RPS6KC1: variants seen among roughly 807,000 people sequenced by gnomAD.
RPS6KC1 encodes the protein inactive ribosomal protein S6 kinase delta-1.
RPS6KC1 carries 54 observed loss-of-function variants against 103.8 expected under a neutral mutation model. That is an observed-to-expected ratio of 0.52 (90% CI 0.42 to 0.65). The LOEUF is 0.65. Among genes scored for constraint, RPS6KC1 ranks in the 30% least tolerant of loss-of-function variants. The pLI is 0.00. For missense variants in RPS6KC1, 1,151 were observed against 1,253.8 expected (o/e 0.92, Z 1.24); for synonymous variants, 439 against 438.7 (o/e 1.00, Z -0.01).
At chr1:213,115,569 T>C (rs1447334974) in intron 4 of RPS6KC1, among the ~76,000 whole-genome samples, 1 of 152,174 alleles carries the variant, frequency 6.6e-6, no homozygotes, top group Non-Finnish European at 1.5e-5. Context: ...TCTGCTCTGA[T>C]TTTAGTTATT....
chr1:213,145,122 T>C (rs929330837), intron 6 of RPS6KC1, among the ~76,000 whole-genome samples: 43 of 152,140 alleles, frequency 2.8e-4, no homozygotes, highest in African/African-American at 8.9e-4. Flanking sequence ...CAGTCTTTCC[T>C]GAAGCAACTA....
chr1:213,517,214 G>A, the RPS6KC1 span, among the ~76,000 whole-genome samples: 396 of 151,752 alleles, frequency 2.6e-3, 2 homozygotes, highest in African/African-American at 5.3e-3. Flanking sequence ...AGCATTTTTT[G>A]TGTCTCTATT....
chr1:213,399,725 T>C, the RPS6KC1 span, among the ~76,000 whole-genome samples: 207 of 152,232 alleles, frequency 1.4e-3, 3 homozygotes, highest in East Asian at 0.036. Flanking sequence ...TGGTGCCCAC[T>C]GCTGTAGAAG....
chr1:213,673,671 G>C, the RPS6KC1 span, among the ~76,000 whole-genome samples: 22 of 152,258 alleles, frequency 1.4e-4, no homozygotes, highest in African/African-American at 5.3e-4. Flanking sequence ...GAAATTTTCT[G>C]CCTGTATTAT....
chr1:213,793,524 C>T, the RPS6KC1 span, among the ~76,000 whole-genome samples: 3 of 152,104 alleles, frequency 2.0e-5, no homozygotes, highest in Non-Finnish European at 4.4e-5. Flanking sequence ...TTTCCTTACA[C>T]CTTGGGGCGT....
intron 2 of RPS6KC1, among the ~76,000 whole-genome samples, chr1:213,071,609 TG>T (rs2078891275): frequency 6.6e-6 from 1 of 152,216 alleles, no homozygotes; most frequent in African/African-American, 2.4e-5. Context: ...TGGTAACTAG[TG>T]TTTACAAGAT....
chr1:213,519,940 G>A, the RPS6KC1 span, among the ~76,000 whole-genome samples: 1 of 152,176 alleles, frequency 6.6e-6, no homozygotes, highest in Non-Finnish European at 1.5e-5. Flanking sequence ...CACTGCAGAT[G>A]AGAATACTGA....
intron 3 of RPS6KC1, among the ~76,000 whole-genome samples, chr1:213,079,809 T>C (rs2079692386): frequency 6.6e-6 from 1 of 152,070 alleles, no homozygotes; most frequent in Admixed American, 6.6e-5. Context: ...AGTTTCCTGC[T>C]CCTTCCCTCC....
the RPS6KC1 span, among the ~76,000 whole-genome samples, chr1:213,364,481 G>T: frequency 6.6e-6 from 1 of 152,280 alleles, no homozygotes; most frequent in East Asian, 1.9e-4. Context: ...GGTTGTTGTT[G>T]GTGGGTTCAC....
At chr1:213,148,032 T>C (rs1241133382) in intron 6 of RPS6KC1, among the ~76,000 whole-genome samples, 1 of 152,256 alleles carries the variant, frequency 6.6e-6, no homozygotes, top group African/African-American at 2.4e-5. Flanking sequence ...CTACTGATTT[T>C]TGTACATTGA....
At chr1:213,447,266 C>T in the RPS6KC1 span, among the ~76,000 whole-genome samples, 2 of 151,886 alleles carry the variant, frequency 1.3e-5, no homozygotes, top group African/African-American at 2.4e-5. Flanking sequence ...GGGGATTTTT[C>T]CTTGTTACTC....
chr1:213,653,654 A>G, the RPS6KC1 span, among the ~76,000 whole-genome samples: 1 of 152,194 alleles, frequency 6.6e-6, no homozygotes, highest in Non-Finnish European at 1.5e-5. Flanking sequence ...TTAATTGATC[A>G]TATCTATCTC....
At chr1:213,287,981 T>G in the RPS6KC1 span, among the ~76,000 whole-genome samples, 1 of 142,730 alleles carries the variant, frequency 7.0e-6, no homozygotes, top group South Asian at 2.3e-4. Context: ...TAATAGTAAC[T>G]GCTAAATGAA....
the RPS6KC1 span, among the ~76,000 whole-genome samples, chr1:213,662,428 ATTTTTTT>A: frequency 4.1e-5 from 5 of 120,958 alleles, no homozygotes; most frequent in Admixed American, 8.8e-5. Flanking sequence ...CACCTGGCTA[ATTTTTTT>A]TTTTTTTTTT....
At chr1:213,473,054 C>T in the RPS6KC1 span, among the ~76,000 whole-genome samples, 6 of 152,278 alleles carry the variant, frequency 3.9e-5, no homozygotes, top group Admixed American at 2.0e-4. Flanking sequence ...TGGCATCTGC[C>T]GTTTTAAATG....
the RPS6KC1 span, among the ~76,000 whole-genome samples, chr1:213,804,898 C>G: frequency 1.3e-5 from 2 of 152,106 alleles, no homozygotes; most frequent in Admixed American, 1.3e-4. Flanking sequence ...GCAGGCATAC[C>G]TTGGAGATAG....
chr1:213,051,507 C>T lies in RPS6KC1; in HGVS notation c.103C>T (p.Arg35Trp). ...RGYTVYKVTA[R>W]VVSRRNPEDV... The stretch of plus-strand genomic sequence containing the variant: ...CTACACAGTATATAAGGTCACCGCC[C>T]GGGTGAGTGCCGGTGTCGGGCTGGG... Residue 35 changes from arginine (R) to tryptophan (W), a missense_variant and splice_region_variant, in exon 1 of 15, where the codon CGG (arginine) becomes TGG (tryptophan). Arg to Trp is a moderately radical substitution (Grantham distance 101). Coordinates refer to ENST00000366960, the MANE Select transcript of RPS6KC1 (RefSeq NM_012424.6). The T allele has an allele frequency of 1.9e-6, 3 of 1,605,338 alleles. No individual in the cohort carries two copies. Among genetic ancestry groups the T allele is most frequent in the Non-Finnish European group, 2.6e-6 (3 of 1,173,940 alleles).
the RPS6KC1 span, among the ~76,000 whole-genome samples, chr1:213,288,201 A>G: frequency 1.3e-5 from 2 of 152,178 alleles, no homozygotes; most frequent in South Asian, 2.1e-4. Context: ...CGCAATGCAC[A>G]CACTTACACA....
At chr1:213,506,556 G>A in the RPS6KC1 span, among the ~76,000 whole-genome samples, 1 of 152,188 alleles carries the variant, frequency 6.6e-6, no homozygotes, top group Non-Finnish European at 1.5e-5. Context: ...AGCAGAGGGT[G>A]GAAGATGACC....
Sources: allele counts gnomAD v4.1 joint callset (sites outside exome capture counted in the v4.1 genomes callset), GRCh38; gene constraint gnomAD v4.1.1; transcripts MANE v1.5; gene names NCBI Gene and HGNC (gene_info 2026-07-23, HGNC 2026-07-21).